The following MYT1L variants were observed in gnomAD, a reference collection of about 807,000 sequenced individuals.
The protein encoded by MYT1L is myelin transcription factor 1-like protein.
In MYT1L, 12 loss-of-function variants were observed where a neutral mutation model predicts 126.7. The ratio of observed to expected loss-of-function variants is 0.09; its 90% confidence interval spans 0.06 to 0.15. MYT1L has a LOEUF of 0.15. MYT1L is among the 10% of genes least tolerant of loss of function. The probability of loss-of-function intolerance (pLI) is 1.00; values close to 1 mark genes in which losing one functional copy is unlikely to be tolerated. For missense variants in MYT1L, 979 were observed against 1,585.2 expected, an observed-to-expected ratio of 0.62 and a Z score of 6.49; for synonymous variants, 541 against 604.2, an observed-to-expected ratio of 0.90 and a Z score of 1.53.
rs1345228986 is a variant in MYT1L at position 1,922,411 on chromosome 2, G to T, written c.1358C>A (p.Ala453Asp). 7 of 1,613,768 alleles carry T rather than the reference G, an allele frequency of 4.3e-6. No homozygotes were observed. Among genetic ancestry groups the T allele is most frequent in the Non-Finnish European group, 5.1e-6 (6 of 1,179,880 alleles). The change falls in exon 10 of 25, where the codon GCC (alanine) becomes GAC (aspartate). Residue 453 changes from alanine to aspartate, a missense_variant. Ala to Asp is a moderately radical substitution (Grantham distance 126). Around this residue, in one of 12 missense-constraint regions of MYT1L, gnomAD observed 67 missense variants for 80.3 expected, o/e 0.83. Transcript: ENST00000647738. This position sits in a 1 kb window ranked among gnomAD's most constrained non-coding sequence, Gnocchi z 7.4. Reference protein sequence around the residue: ...ERAKAMREKMAMEAGRRDNMR... With the variant: ...ERAKAMREKMDMEAGRRDNMR... ...ATTGTCCCTCCTCCCAGCTTCCATG[G>T]CCATCTTCTCCCTCATGGCCTTTGC...
chr2:2,255,856 T>C (rs1293661407), intron 2 of MYT1L, among the ~76,000 whole-genome samples: 1 of 152,180 alleles, frequency 6.6e-6, no homozygotes, highest in Admixed American at 6.5e-5. Context: ...ATAAGAGCAG[T>C]AACAGCTTAT....
chr2:1,990,769 G>C (rs2061394653), intron 5 of MYT1L, among the ~76,000 whole-genome samples: 1 of 152,182 alleles, frequency 6.6e-6, no homozygotes, highest in Non-Finnish European at 1.5e-5. Flanking sequence ...TGCCTTCTAA[G>C]GTGCTCTGGA....
chr2:2,185,692 G>C (rs1456094805), intron 2 of MYT1L, among the ~76,000 whole-genome samples: 1 of 139,314 alleles, frequency 7.2e-6, no homozygotes. Flanking sequence ...ACGCAGCCGG[G>C]CCTTCCGGGC....
intron 8 of MYT1L, among the ~76,000 whole-genome samples, chr2:1,947,104 A>C (rs761133251): frequency 6.6e-6 from 1 of 152,004 alleles, no homozygotes; most frequent in East Asian, 1.9e-4. Flanking sequence ...ACCATTCACT[A>C]AAACAGATAA....
chr2:2,257,034 C>T (rs1559477436), intron 2 of MYT1L, among the ~76,000 whole-genome samples: 1 of 152,164 alleles, frequency 6.6e-6, no homozygotes, highest in African/African-American at 2.4e-5. Flanking sequence ...ACCTGGAGAG[C>T]TTAGTGAACT....
intron 3 of MYT1L, among the ~76,000 whole-genome samples, chr2:2,154,392 C>T (rs897650972): frequency 2.6e-5 from 4 of 152,202 alleles, no homozygotes; most frequent in Admixed American, 6.5e-5. Flanking sequence ...CTATTCATTG[C>T]AGCACTATTC....
In MYT1L at chr2:2,021,884, G is replaced by A. The variant is rs989628631; in HGVS notation, c.-157-24537C>T. On this transcript the variant is annotated intron_variant, in intron 4 of 24. Transcript: ENST00000647738. The stretch of plus-strand genomic sequence containing the variant: ...TGCACTCCAGCCTGGGCAACAGAGC[G>A]AGACTCCATCTCAAAAAACAAAAAA... Among the ~76,000 whole-genome samples, 6 of 152,084 alleles carry A rather than the reference G, an allele frequency of 3.9e-5. No individual in the cohort carries two copies. In the South Asian group the frequency reaches 8.3e-4, roughly 21 times the overall value.
chr2:2,160,799 A>G (rs2087743414), intron 3 of MYT1L, among the ~76,000 whole-genome samples: 1 of 152,174 alleles, frequency 6.6e-6, no homozygotes, highest in Non-Finnish European at 1.5e-5. Flanking sequence ...CAGCTTATTC[A>G]AGAAATAAGT....
intron 2 of MYT1L, among the ~76,000 whole-genome samples, chr2:2,194,157 G>A (rs911502783): frequency 1.3e-5 from 2 of 151,974 alleles, no homozygotes; most frequent in Non-Finnish European, 2.9e-5. Flanking sequence ...ATGGCTCGCT[G>A]CAGCCTTGAC....
intron 21 of MYT1L, among the ~76,000 whole-genome samples, chr2:1,821,145 T>C (rs1476499422): frequency 1.3e-5 from 2 of 152,218 alleles, no homozygotes; most frequent in African/African-American, 4.8e-5. Flanking sequence ...ATTTCATGAT[T>C]GCGTGGCTAC....
chr2:2,165,079 C>T (rs1228882999), intron 3 of MYT1L, among the ~76,000 whole-genome samples: 14 of 152,282 alleles, frequency 9.2e-5, no homozygotes, highest in Admixed American at 2.6e-4. Context: ...GGGGGGCCTG[C>T]GCCAGCTCTC....
intron 5 of MYT1L, among the ~76,000 whole-genome samples, chr2:1,988,528 C>A (rs770381208): frequency 9.2e-5 from 14 of 152,182 alleles, no homozygotes; most frequent in Admixed American, 2.0e-4. Flanking sequence ...GTGCACCGTG[C>A]GGGGCAGCAG....
chr2:2,070,345 C>A lies in MYT1L; in HGVS notation c.-303-16222G>T, dbSNP rs182282364. Among the ~76,000 whole-genome samples, 4 of 152,350 alleles carry A rather than the reference C, an allele frequency of 2.6e-5. No individual in the cohort carries two copies. In the East Asian group the frequency reaches 7.7e-4, roughly 29 times the overall value. On this transcript the variant is annotated intron_variant, in intron 3 of 24. Coordinates refer to ENST00000647738, the MANE Select transcript of MYT1L (RefSeq NM_001303052.2). ...CAACTGTCTAACCTGCGTTGCGACA[C>A]CACCTCTCACCCCACGTGGAGGCTC...
At chr2:1,865,255 G>A (rs1166641686) in intron 18 of MYT1L, among the ~76,000 whole-genome samples, 1 of 152,166 alleles carries the variant, frequency 6.6e-6, no homozygotes, top group Non-Finnish European at 1.5e-5. Flanking sequence ...GGGCTGACGG[G>A]GCTGAGGGAC....
In MYT1L at chr2:2,004,829, T is replaced by G. The variant is rs527358929; in HGVS notation, c.-157-7482A>C. Among the ~76,000 whole-genome samples the G allele has an allele frequency of 6.4e-4, 95 of 148,090 alleles. No homozygotes were observed. The South Asian group carries it at 0.01, about 16-fold the overall frequency. Reference sequence around the variant, plus strand: ...TTTCCTGCAGGCATTCTTTCCTGCATGTGTTCTTTCCTGCATGCGCTCTTT... The same window carrying G: ...TTTCCTGCAGGCATTCTTTCCTGCAGGTGTTCTTTCCTGCATGCGCTCTTT... On this transcript the variant is annotated intron_variant, in intron 4 of 24. Transcript: ENST00000647738.
intron 5 of MYT1L, among the ~76,000 whole-genome samples, chr2:1,995,630 C>T (rs1392193468): frequency 6.6e-6 from 1 of 152,144 alleles, no homozygotes; most frequent in Non-Finnish European, 1.5e-5. Flanking sequence ...ACCACTGCTG[C>T]CGGGTAGTGG....
chr2:1,907,616 G>T (rs1029743972), intron 13 of MYT1L, among the ~76,000 whole-genome samples: 1 of 152,250 alleles, frequency 6.6e-6, no homozygotes, highest in East Asian at 1.9e-4. Context: ...GCAAGTCTGG[G>T]ACTGGGAAGG....
rs556272647 is a variant in MYT1L at position 1,954,278 on chromosome 2, G to A, written c.153-10944C>T. Among the ~76,000 whole-genome samples the A allele has an allele frequency of 3.9e-5, 6 of 152,272 alleles. No individual in the cohort carries two copies. In the East Asian group the frequency reaches 5.8e-4, roughly 15 times the overall value. ...GCAAACGCGAGGCTGCGTAGCCACT[G>A]CTGCTGGCACTCACTGCCCGTTAGA... On this transcript the variant is annotated intron_variant, in intron 8 of 24. Coordinates refer to ENST00000647738, the MANE Select transcript of MYT1L (RefSeq NM_001303052.2).
At position 1,806,675 on chromosome 2, in the gene MYT1L, A is replaced by G. The variant is rs1442080179; in HGVS notation, c.3172+2401T>C. ...CGATGAAGAGATGGCCACCTCAGGGATCTGCCCACCGCCGCCCAGGTGGAC... is the reference window on the plus strand; with the variant it reads ...CGATGAAGAGATGGCCACCTCAGGGGTCTGCCCACCGCCGCCCAGGTGGAC... On this transcript the variant is annotated intron_variant, in intron 22 of 24. Coordinates refer to ENST00000647738, the MANE Select transcript of MYT1L (RefSeq NM_001303052.2). This position sits in a 1 kb window ranked among gnomAD's most constrained non-coding sequence, Gnocchi z 4.9. 1.3e-5 allele frequency among the ~76,000 whole-genome samples: 2 copies of G among 152,020 alleles called. No homozygotes were observed. The highest frequency in any genetic ancestry group is 2.9e-5 in the Non-Finnish European group (2 of 67,986).
Sources: gnomAD v4.1 joint callset for allele counts (sites outside exome capture counted in the v4.1 genomes callset) on GRCh38, gnomAD v4.1.1 for gene constraint, gnomAD v4.1.1 regional missense constraint, Gnocchi (gnomAD v3.1) non-coding constraint, MANE v1.5 for transcripts, NCBI Gene and HGNC (gene_info 2026-07-23, HGNC 2026-07-21) for gene names.